The following MATN2 variants were observed in gnomAD, a reference collection of about 807,000 sequenced individuals.
MATN2 encodes the protein matrilin 2, also known as matrilin-2.
Under a neutral mutation model 103.2 loss-of-function variants are expected in MATN2, and 69 were observed. That is an observed-to-expected ratio of 0.67 (90% CI 0.55 to 0.82). The LOEUF is 0.82. Among genes scored for constraint, MATN2 ranks in the 40% least tolerant of loss-of-function variants. MATN2 has a pLI of 0.00. For synonymous variants in MATN2, 429 were observed against 450.2 expected, an observed-to-expected ratio of 0.95 and a Z score of 0.60; for missense variants, 1,023 against 1,211.5, an observed-to-expected ratio of 0.84 and a Z score of 2.31.
intron 2 of MATN2, among the ~76,000 whole-genome samples, chr8:97,910,419 G>A (rs1809370538): frequency 6.6e-6 from 1 of 152,158 alleles, no homozygotes; most frequent in Non-Finnish European, 1.5e-5. Flanking sequence ...GAGAGGCGAA[G>A]GCAAGCAGTG....
intron 7 of MATN2, among the ~76,000 whole-genome samples, chr8:97,996,939 T>A (rs181008810): frequency 1.3e-5 from 2 of 152,342 alleles, no homozygotes; most frequent in East Asian, 3.9e-4. Flanking sequence ...AGGAATTTGA[T>A]GTCATCGAAA....
chr8:97,877,990 C>T (rs566010746), intron 1 of MATN2, among the ~76,000 whole-genome samples: 2 of 150,416 alleles, frequency 1.3e-5, no homozygotes, highest in Non-Finnish European at 3.0e-5. Context: ...GAGTACTAAA[C>T]CAAAAAACAA....
chr8:98,000,913 C>G (rs1357439952), intron 7 of MATN2, among the ~76,000 whole-genome samples: 1 of 152,170 alleles, frequency 6.6e-6, no homozygotes, highest in Non-Finnish European at 1.5e-5. Context: ...GTAGAAAGAA[C>G]TGACTTCATC....
At chr8:98,019,567 A>G (rs530884310) in intron 12 of MATN2, among the ~76,000 whole-genome samples, 1 of 152,316 alleles carries the variant, frequency 6.6e-6, no homozygotes, top group South Asian at 2.1e-4. Flanking sequence ...GTTTGACCAA[A>G]CAACTGGGCA....
At chr8:97,926,155 C>T (rs142638429) in intron 2 of MATN2, among the ~76,000 whole-genome samples, 1 of 152,218 alleles carries the variant, frequency 6.6e-6, no homozygotes, top group East Asian at 1.9e-4. Context: ...TAACAGAGTC[C>T]AGATCATCAC....
At chr8:97,950,545 A>G (rs1810913390) in intron 4 of MATN2, among the ~76,000 whole-genome samples, 1 of 152,112 alleles carries the variant, frequency 6.6e-6, no homozygotes, top group East Asian at 1.9e-4. Context: ...TTTCTTACAT[A>G]TTAGGGACCC....
intron 5 of MATN2, among the ~76,000 whole-genome samples, chr8:97,965,256 G>C (rs533392498): frequency 1.3e-5 from 2 of 152,148 alleles, no homozygotes; most frequent in African/African-American, 4.8e-5. Flanking sequence ...AAAATCAGAC[G>C]TAAAGCCTAG....
chr8:98,032,047 C>T (rs1346145234), intron 15 of MATN2, 199 bp from the exon 16 acceptor site: 12 of 426,494 alleles, frequency 2.8e-5, no homozygotes, highest in Non-Finnish European at 5.0e-5. Context: ...GCTTCTCTTA[C>T]GAGAGAGAAT....
intron 2 of MATN2, among the ~76,000 whole-genome samples, chr8:97,904,598 C>T (rs139751455): frequency 2.4e-4 from 36 of 152,210 alleles, no homozygotes; most frequent in African/African-American, 8.2e-4. Context: ...GTGAAAAAGC[C>T]GTACAGTTTT....
At chr8:97,954,873 T>C (rs1320673320) in intron 4 of MATN2, among the ~76,000 whole-genome samples, 1 of 152,120 alleles carries the variant, frequency 6.6e-6, no homozygotes, top group Non-Finnish European at 1.5e-5. Context: ...ATTATAATTG[T>C]GTTGAGGATT....
At chr8:97,910,196 G>T (rs1819322580) in intron 2 of MATN2, among the ~76,000 whole-genome samples, 1 of 151,904 alleles carries the variant, frequency 6.6e-6, no homozygotes, top group Non-Finnish European at 1.5e-5. Context: ...CCAGTAGCTG[G>T]GACTACAGGG....
intron 2 of MATN2, among the ~76,000 whole-genome samples, chr8:97,929,324 A>G (rs1290889692): frequency 2.0e-5 from 3 of 152,148 alleles, no homozygotes; most frequent in Non-Finnish European, 4.4e-5. Context: ...TCTTTCTTGC[A>G]GCTGTGGTGA....
intron 1 of MATN2, 31 bp downstream of exon 1, chr8:97,869,318 C>CCG (rs1817814079): frequency 6.6e-6 from 1 of 152,224 alleles, no homozygotes; most frequent in Non-Finnish European, 1.5e-5. Flanking sequence ...CCCGGCTCTG[C>CCG]GCGGCCGGGC....
intron 1 of MATN2, among the ~76,000 whole-genome samples, chr8:97,878,513 T>G (rs1286478173): frequency 6.7e-6 from 1 of 148,806 alleles, no homozygotes; most frequent in Non-Finnish European, 1.5e-5. Flanking sequence ...ATTGTGCAAC[T>G]CCAACCTGGG....
intron 13 of MATN2, among the ~76,000 whole-genome samples, chr8:98,023,002 T>C (rs147053365): frequency 0.025 from 3,783 of 152,116 alleles, 146 homozygotes; most frequent in African/African-American, 0.086. Context: ...GCAGGAGAAT[T>C]GCTTGAACCT....
At chr8:97,918,314 C>A (rs1303256211) in intron 2 of MATN2, among the ~76,000 whole-genome samples, 1 of 152,186 alleles carries the variant, frequency 6.6e-6, no homozygotes, top group South Asian at 2.1e-4. Flanking sequence ...CCTGACGATA[C>A]AGCACTAACC....
intron 7 of MATN2, among the ~76,000 whole-genome samples, chr8:97,995,539 T>G (rs1182094700): frequency 2.0e-5 from 3 of 152,244 alleles, no homozygotes; most frequent in Admixed American, 6.5e-5. Context: ...TAGAACTCTC[T>G]GGAGCTTCCA....
At chr8:97,995,026 G>T (rs543238866) in intron 7 of MATN2, among the ~76,000 whole-genome samples, 2 of 152,300 alleles carry the variant, frequency 1.3e-5, no homozygotes, top group Non-Finnish European at 2.9e-5. Context: ...CCTTTGATAG[G>T]AAAGAAGAAG....
rs1317989012 is a variant in MATN2, at chr8:97,931,185, G to A, written c.375G>A (p.Lys125=). ...KRKSEVERAV[K]RMRHLSTGTM... ...AGTCCGAGGTGGAGCGTGCTGTCAA[G>A]AGGATGCGGCATCTGTCCACGGGCA... The change falls in exon 3 of 19, where the codon AAG becomes AAA. Residue 125 remains lysine (K), a synonymous_variant. Coordinates refer to ENST00000254898, the MANE Select transcript of MATN2 (RefSeq NM_002380.5). The surrounding 1 kb of genome is among the most constrained non-coding windows in gnomAD (Gnocchi z 4.1). 4.3e-6 allele frequency: 7 copies of A among 1,613,250 alleles called. No individual in the cohort carries two copies. Among genetic ancestry groups the A allele is most frequent in the South Asian group, 1.1e-5 (1 of 91,052 alleles).
Sources: gnomAD v4.1 joint callset for allele counts (sites outside exome capture counted in the v4.1 genomes callset) on GRCh38, gnomAD v4.1.1 for gene constraint, Gnocchi (gnomAD v3.1) non-coding constraint, MANE v1.5 for transcripts, NCBI Gene and HGNC (gene_info 2026-07-23, HGNC 2026-07-21) for gene names.